Variants in SHTN1 observed in about 807,000 individuals in gnomAD.
SHTN1 encodes the protein shootin-1.
Under a neutral mutation model 83.1 loss-of-function variants are expected in SHTN1, and 42 were observed. That is an observed-to-expected ratio of 0.51 (90% CI 0.39 to 0.65). The LOEUF is 0.65. SHTN1 is among the 30% of genes least tolerant of loss of function. The pLI, the probability that SHTN1 is intolerant of heterozygous loss-of-function variation, is 0.00. For synonymous variants in SHTN1, 224 were observed against 247.7 expected (o/e 0.90, Z 0.90); for missense variants, 622 against 737.8 (o/e 0.84, Z 1.82).
At chr10:117,061,643 AT>A (rs1479073466) in intron 1 of SHTN1, among the ~76,000 whole-genome samples, 2 of 147,342 alleles carry the variant, frequency 1.4e-5, no homozygotes, top group South Asian at 2.2e-4. Flanking sequence ...CCAATTTTGT[AT>A]TTTTTTAGTA....
chr10:116,892,638 T>C (rs1847374098), intron 16 of SHTN1, among the ~76,000 whole-genome samples: 1 of 152,238 alleles, frequency 6.6e-6, no homozygotes, highest in African/African-American at 2.4e-5. Flanking sequence ...AGTTTTTCTT[T>C]CAATTTACTG....
At chr10:117,009,403 T>A (rs1277792749), upstream of SHTN1, among the ~76,000 whole-genome samples, 1 of 152,078 alleles carries the variant, frequency 6.6e-6, no homozygotes, top group Non-Finnish European at 1.5e-5. Context: ...TCTAACTATA[T>A]GATGTCTACA....
chr10:116,988,103 T>C (rs1379543048), intron 1 of SHTN1, among the ~76,000 whole-genome samples: 1 of 152,252 alleles, frequency 6.6e-6, no homozygotes. Flanking sequence ...TAATGTAAAT[T>C]ATGGATTTTA....
Position 116,988,897 on chromosome 10 carries a change from T to C in SHTN1, c.59-9589A>G, listed in dbSNP as rs183292162. On this transcript the variant is annotated intron_variant, in intron 1 of 16. Transcript: ENST00000355371. Reference sequence around the variant, plus strand: ...GCAGGCATGGTGTGCAATCAATCAATCAATAAAAGCGTGTTCCTTCTACAT... The same window carrying C: ...GCAGGCATGGTGTGCAATCAATCAACCAATAAAAGCGTGTTCCTTCTACAT... Among the ~76,000 whole-genome samples the C allele has an allele frequency of 1.7e-3, 262 of 152,214 alleles. 1 individual carries two copies. Among genetic ancestry groups the C allele is most frequent in the Admixed American group, 3.9e-3 (59 of 15,286 alleles).
At chr10:116,891,724 A>C (rs1410804765) in intron 16 of SHTN1, among the ~76,000 whole-genome samples, 2 of 151,904 alleles carry the variant, frequency 1.3e-5, no homozygotes, top group African/African-American at 4.8e-5. Context: ...ATTTTAATAC[A>C]CTTGTCCAAA....
At chr10:116,999,611 A>G (rs1165767995) in intron 1 of SHTN1, among the ~76,000 whole-genome samples, 1 of 152,182 alleles carries the variant, frequency 6.6e-6, no homozygotes, top group Non-Finnish European at 1.5e-5. Flanking sequence ...TTATTTTTGC[A>G]TTTATTTTAA....
At chr10:116,904,280 C>G (rs1029744796) in intron 15 of SHTN1, among the ~76,000 whole-genome samples, 1 of 152,136 alleles carries the variant, frequency 6.6e-6, no homozygotes, top group African/African-American at 2.4e-5. Context: ...GCTTACTTTC[C>G]CCCCTGGAAT....
intron 1 of SHTN1, among the ~76,000 whole-genome samples, chr10:117,081,905 G>A (rs1339600337): frequency 5.3e-5 from 8 of 150,790 alleles, no homozygotes; most frequent in East Asian, 2.0e-4. Flanking sequence ...TTTTTATTGC[G>A]TCTATTTGAT....
rs552488544 is a variant in SHTN1 at position 117,040,928 on chromosome 10, ATATTT to A, written c.-123+7512_-123+7516del. On this transcript the variant is annotated intron_variant, in intron 2 of 17. Transcript: ENST00000392901. ...TATACTCAACTCTTTTTCTTTTATT[ATATTT>A]TATTTTATTTTATCTTAAAATTTTT... Among the ~76,000 whole-genome samples, 145 of 151,514 alleles carry A rather than the reference ATATTT, an allele frequency of 9.6e-4. 1 individual carries two copies. Among genetic ancestry groups the A allele is most frequent in the African/African-American group, 9.9e-4 (41 of 41,418 alleles).
At chr10:116,893,281 T>G (rs1261959770) in intron 16 of SHTN1, among the ~76,000 whole-genome samples, 1 of 152,130 alleles carries the variant, frequency 6.6e-6, no homozygotes, top group African/African-American at 2.4e-5. Context: ...GAACATCCAG[T>G]TGTTCTGCTA....
At chr10:116,990,287 C>CTTTTTTTTTTTTTTTTTTTT (rs11399364) in intron 1 of SHTN1, among the ~76,000 whole-genome samples, 2 of 119,918 alleles carry the variant, frequency 1.7e-5, no homozygotes, top group Non-Finnish European at 3.3e-5. Context: ...TTTTTTCTTT[C>CTTTTTTTTTTTTTTTTTTTT]TTTTTTTTTT....
intron 1 of SHTN1, among the ~76,000 whole-genome samples, chr10:117,004,714 A>G (rs1328430328): frequency 6.6e-6 from 1 of 152,046 alleles, no homozygotes; most frequent in African/African-American, 2.4e-5. Flanking sequence ...GCACTGTGCA[A>G]CCTCGTCCGC....
chr10:116,953,618 G>GTTTTTTTT (rs1413652753), intron 5 of SHTN1, among the ~76,000 whole-genome samples: 10 of 81,998 alleles, frequency 1.2e-4, no homozygotes, highest in African/African-American at 3.1e-4. Flanking sequence ...TCAGTTTTGT[G>GTTTTTTTT]TTTTGTTTTT....
chr10:116,991,846 A>T (rs1405370389), intron 1 of SHTN1, among the ~76,000 whole-genome samples: 1 of 152,162 alleles, frequency 6.6e-6, no homozygotes, highest in Non-Finnish European at 1.5e-5. Context: ...AAAATGATTT[A>T]TTAAAATACT....
intron 1 of SHTN1, among the ~76,000 whole-genome samples, chr10:117,122,063 G>T (rs958757307): frequency 2.0e-5 from 3 of 151,878 alleles, no homozygotes; most frequent in Admixed American, 1.3e-4. Flanking sequence ...AATAAATAAA[G>T]AAATAAATCA....
At chr10:117,048,497 A>G in exon 2 of SHTN1, 1 of 985,136 alleles carries the variant, frequency 1.0e-6, no homozygotes, top group African/African-American at 1.7e-5. Context: ...CAGACCACTG[A>G]TTGGAGGGCA....
chr10:117,037,500 A>G (rs539065843), intron 2 of SHTN1, among the ~76,000 whole-genome samples: 1 of 152,320 alleles, frequency 6.6e-6, no homozygotes, highest in East Asian at 1.9e-4. Context: ...AAGTTGATCA[A>G]TGCAATACCA....
intron 11 of SHTN1, among the ~76,000 whole-genome samples, chr10:116,924,746 A>ATTTTTT (rs201343735): frequency 1.6e-4 from 14 of 89,540 alleles, no homozygotes; most frequent in South Asian, 4.3e-4. Context: ...ATTTTCACCT[A>ATTTTTT]TTTTTTTTTT....
At chr10:116,963,035 G>GTTTTTTTTTTTTT (rs71013628) in intron 3 of SHTN1, among the ~76,000 whole-genome samples, 1 of 45,260 alleles carries the variant, frequency 2.2e-5, no homozygotes, top group East Asian at 6.6e-4. Context: ...AATAATAAAA[G>GTTTTTTTTTTTTT]TTTTTTTTTT....
Sources: gnomAD v4.1 joint callset for allele counts (sites outside exome capture counted in the v4.1 genomes callset) on GRCh38, gnomAD v4.1.1 for gene constraint, MANE v1.5 for transcripts, NCBI Gene and HGNC (gene_info 2026-07-23, HGNC 2026-07-21) for gene names.